C5orf58: variants seen among roughly 807,000 people sequenced by gnomAD.
C5orf58 encodes the protein putative uncharacterized protein C5orf58.
C5orf58 carries 2 observed loss-of-function variants against 2.9 expected under a neutral mutation model. The observed-to-expected ratio is 0.69, with a 90% CI of 0.28 to 2.18. C5orf58 has a LOEUF of 2.18. Ranked by LOEUF, C5orf58 falls within the 30% of genes most tolerant of loss-of-function variation. The pLI is 0.13. For synonymous variants in C5orf58, 37 were observed against 33.4 expected (o/e 1.11, Z -0.37); for missense variants, 96 against 91.7 (o/e 1.05, Z -0.19).
chr5:170,235,692 C>A (rs1760712794), intron 3 of C5orf58, among the ~76,000 whole-genome samples: 1 of 152,222 alleles, frequency 6.6e-6, no homozygotes, highest in African/African-American at 2.4e-5. Context: ...TAGCTGAAAT[C>A]TGTTCCCCTA....
Position 170,246,019 on chromosome 5 carries a change from CTG to C in C5orf58, c.153_154del (p.Asn53LeufsTer12), listed in dbSNP as rs1007106875. 3 of 1,613,640 alleles carry C rather than the reference CTG, an allele frequency of 1.9e-6. No individual in the cohort carries two copies. Among genetic ancestry groups the C allele is most frequent in the African/African-American group, 1.3e-5 (1 of 74,918 alleles). ...CTACATTTTAATCATCCCATCAAGACTGAGAACTTAGCAGAAGCAGAAAGAAA... is the reference window on the plus strand; with the variant it reads ...CTACATTTTAATCATCCCATCAAGACAGAACTTAGCAGAAGCAGAAAGAAA... On this transcript the variant is annotated frameshift_variant, in exon 4 of 4. Coordinates refer to ENST00000593851, the MANE Select transcript of C5orf58 (RefSeq NM_001102609.3). LOFTEE classifies it low-confidence loss of function (END_TRUNC).
chr5:170,242,341 T>G (rs1414706613), intron 3 of C5orf58, among the ~76,000 whole-genome samples: 1 of 93,326 alleles, frequency 1.1e-5, no homozygotes, highest in East Asian at 3.0e-4. Flanking sequence ...TGGAATAGTT[T>G]CAGAAGGAAT....
chr5:170,236,597 G>T (rs1470602844), intron 3 of C5orf58, among the ~76,000 whole-genome samples: 5 of 152,122 alleles, frequency 3.3e-5, no homozygotes, highest in Non-Finnish European at 7.4e-5. Flanking sequence ...TGGACTATAT[G>T]ACCTGCTCAG....
chr5:170,251,831 G>A (rs1396201165), exon 3 of C5orf58: 11 of 328,714 alleles, frequency 3.3e-5, no homozygotes, highest in Non-Finnish European at 4.4e-5. Flanking sequence ...AAAGTTCTCC[G>A]GGTGATCTAA....
intron 3 of C5orf58, among the ~76,000 whole-genome samples, chr5:170,242,103 C>T (rs1306688878): frequency 1.3e-5 from 2 of 148,456 alleles, no homozygotes; most frequent in Non-Finnish European, 3.0e-5. Flanking sequence ...TATATTGAAC[C>T]AGCCTTGCAT....
At chr5:170,251,094 A>C, downstream of C5orf58, 1 of 488,876 alleles carries the variant, frequency 2.0e-6, no homozygotes, top group Non-Finnish European at 3.6e-6. Flanking sequence ...TTATTAAGAA[A>C]GGCAACAGAG....
downstream of C5orf58, among the ~76,000 whole-genome samples, chr5:170,250,511 A>T (rs189557909): frequency 1.1e-3 from 163 of 152,328 alleles, no homozygotes; most frequent in Non-Finnish European, 1.4e-3. Context: ...TATACATGTG[A>T]TTATTTGAAA....
chr5:170,249,574 G>A (rs907501019), downstream of C5orf58, among the ~76,000 whole-genome samples: 1 of 152,006 alleles, frequency 6.6e-6, no homozygotes, highest in Non-Finnish European at 1.5e-5. Flanking sequence ...GGACTCAGGA[G>A]GTCAGACACG....
intron 3 of C5orf58, among the ~76,000 whole-genome samples, chr5:170,245,110 TGAG>T (rs1258473390): frequency 6.6e-6 from 1 of 152,212 alleles, no homozygotes; most frequent in African/African-American, 2.4e-5. Context: ...GGGACCCACT[TGAG>T]GAGGCAGTCT....
chr5:170,251,560 T>C (rs1761443385), intron 2 of C5orf58: 1 of 447,622 alleles, frequency 2.2e-6, no homozygotes, highest in South Asian at 1.6e-5. Flanking sequence ...TCCTTTAAAC[T>C]ACTCCCTTCT....
At chr5:170,250,658 A>G, downstream of C5orf58, 1 of 1,191,218 alleles carries the variant, frequency 8.4e-7, no homozygotes, top group Non-Finnish European at 1.3e-6. Flanking sequence ...ACTCTCAAAG[A>G]TCGCTCCATG....
intron 3 of C5orf58, among the ~76,000 whole-genome samples, chr5:170,236,119 A>G (rs1301824729): frequency 6.6e-6 from 1 of 152,082 alleles, no homozygotes; most frequent in African/African-American, 2.4e-5. Context: ...GCCACAGCTA[A>G]GGGGACTGGG....
At chr5:170,240,639 A>T (rs1410232876) in intron 3 of C5orf58, among the ~76,000 whole-genome samples, 1 of 151,182 alleles carries the variant, frequency 6.6e-6, no homozygotes, top group East Asian at 2.0e-4. Context: ...TTTTTCTTGT[A>T]AATTTGTTTG....
intron 3 of C5orf58, among the ~76,000 whole-genome samples, chr5:170,236,656 T>C (rs1760754379): frequency 6.6e-6 from 1 of 152,204 alleles, no homozygotes; most frequent in Non-Finnish European, 1.5e-5. Context: ...TCTTACTGCA[T>C]GTTCTATGCT....
At chr5:170,238,637 A>T (rs1183469737) in intron 3 of C5orf58, among the ~76,000 whole-genome samples, 1 of 152,224 alleles carries the variant, frequency 6.6e-6, no homozygotes, top group Non-Finnish European at 1.5e-5. Flanking sequence ...ACCAAGGCAG[A>T]ATGTTGTGAA....
chr5:170,244,122 C>T (rs1041766721), intron 3 of C5orf58, among the ~76,000 whole-genome samples: 18 of 151,996 alleles, frequency 1.2e-4, no homozygotes, highest in African/African-American at 4.1e-4. Context: ...TCTCTTCTGG[C>T]TTGTAGGGTT....
intron 2 of C5orf58, among the ~76,000 whole-genome samples, chr5:170,234,539 A>G (rs940806465): frequency 1.3e-5 from 2 of 152,250 alleles, no homozygotes; most frequent in Admixed American, 1.3e-4. Flanking sequence ...TTAGAATAAA[A>G]TTCTTTTTTG....
At chr5:170,237,050 C>T (rs1321288365) in intron 3 of C5orf58, among the ~76,000 whole-genome samples, 1 of 152,072 alleles carries the variant, frequency 6.6e-6, no homozygotes, top group Admixed American at 6.6e-5. Flanking sequence ...GCTTTAGATT[C>T]CCCCCAAACT....
downstream of C5orf58, among the ~76,000 whole-genome samples, chr5:170,249,445 G>C (rs1318354663): frequency 2.0e-5 from 3 of 151,086 alleles, no homozygotes; most frequent in East Asian, 5.8e-4. Context: ...CATATGAAGG[G>C]GTCATTTAAA....
Sources: allele counts gnomAD v4.1 joint callset (sites outside exome capture counted in the v4.1 genomes callset), GRCh38; gene constraint gnomAD v4.1.1; transcripts MANE v1.5; gene names NCBI Gene and HGNC (gene_info 2026-07-23, HGNC 2026-07-21).